The following GOLGA8B variants were observed in gnomAD, a reference collection of about 807,000 sequenced individuals.
GOLGA8B encodes the protein golgin subfamily A member 8B.
A neutral mutation model predicts 15.6 loss-of-function variants in GOLGA8B; 1 was observed. That is an observed-to-expected ratio of 0.06 (90% CI 0.02 to 0.30). GOLGA8B has a LOEUF of 0.30. Ranked by LOEUF, GOLGA8B falls within the 10% of genes least tolerant of loss-of-function variation. The probability of loss-of-function intolerance (pLI) is 1.00; values close to 1 mark genes in which losing one functional copy is unlikely to be tolerated. For missense variants in GOLGA8B, 17 were observed against 201.3 expected, an observed-to-expected ratio of 0.08 and a Z score of 5.54; for synonymous variants, 9 against 80.3, an observed-to-expected ratio of 0.11 and a Z score of 4.75.
Position 34,566,740 on chromosome 15 carries a change from G to A in GOLGA8B, c.-1122-12784C>T, listed in dbSNP as rs1473524926. Among the ~76,000 whole-genome samples, 4 of 140,500 alleles carry A rather than the reference G, an allele frequency of 2.8e-5. 1 individual carries two copies. The highest frequency in any genetic ancestry group is 7.1e-5 in the Admixed American group (1 of 14,156). The allele number at this position is 140,500 out of a possible 152,430, so 92.2% of individuals were successfully genotyped here. A position where few individuals can be genotyped will look rare whatever the true frequency, so the allele number is the denominator to read the frequency against. On this transcript the variant is annotated intron_variant, in intron 1 of 23. Coordinates refer to ENST00000683415, the MANE Select transcript of GOLGA8B (RefSeq NM_001023567.5). ...GTCACGGGCACAGGCCTGCACTCAC[G>A]GGTCACTGCAGTGAGGATGGAGGTG...
intron 1 of GOLGA8B, among the ~76,000 whole-genome samples, chr15:34,576,492 C>G (rs542839102): frequency 6.6e-6 from 1 of 152,350 alleles, no homozygotes; most frequent in East Asian, 1.9e-4. Context: ...CCAACAACCA[C>G]ACATCCCACC....
chr15:34,564,785 T>C lies in GOLGA8B; in HGVS notation c.-1122-10829A>G, dbSNP rs564348342. Reference sequence around the variant, plus strand: ...GCTTTGAGCTGGCAAGGCTAAATTATAGGAAGAAGGCAGAGAGGTGGGCAG... The same window carrying C: ...GCTTTGAGCTGGCAAGGCTAAATTACAGGAAGAAGGCAGAGAGGTGGGCAG... On this transcript the variant is annotated intron_variant, in intron 1 of 23. Transcript: ENST00000683415. Among the ~76,000 whole-genome samples, 16 of 143,968 alleles carry C rather than the reference T, an allele frequency of 1.1e-4. 2 individuals carry two copies. The South Asian group carries it at 3.2e-3, about 29-fold the overall frequency. The allele number at this position is 143,968 out of a possible 152,430, so 94.4% of individuals were successfully genotyped here. A position where few individuals can be genotyped will look rare whatever the true frequency, so the allele number is the denominator to read the frequency against.
intron 1 of GOLGA8B, among the ~76,000 whole-genome samples, chr15:34,573,825 A>T (rs928996719): frequency 5.7e-4 from 87 of 151,900 alleles, no homozygotes; most frequent in Admixed American, 1.5e-3. Context: ...GACAACCAAC[A>T]GCTGTGGGAC....
intron 1 of GOLGA8B, among the ~76,000 whole-genome samples, chr15:34,571,292 G>GA (rs1888907051): frequency 6.6e-6 from 1 of 151,824 alleles, no homozygotes; most frequent in South Asian, 2.1e-4. Flanking sequence ...CAGCCTGGGT[G>GA]ACAAAGTAAG....
chr15:34,575,713 A>G (rs1450197069), intron 1 of GOLGA8B, among the ~76,000 whole-genome samples: 3 of 152,162 alleles, frequency 2.0e-5, no homozygotes, highest in South Asian at 2.1e-4. Flanking sequence ...GATGGGGTCC[A>G]TGATCCACCC....
chr15:34,568,954 C>T (rs1265243688), intron 1 of GOLGA8B, among the ~76,000 whole-genome samples: 23 of 148,680 alleles, frequency 1.5e-4, no homozygotes, highest in South Asian at 8.4e-4. Context: ...CGCTCTCTCT[C>T]GCTCTCGCTC....
chr15:34,561,125 C>T (rs1295193172), intron 1 of GOLGA8B, among the ~76,000 whole-genome samples: 3,750 of 140,818 alleles, frequency 0.027, 24 homozygotes, highest in African/African-American at 0.099. Context: ...CTGGTTGACC[C>T]AGCCCCTTCC....
At chr15:34,583,440 G>A (rs1159165235) in intron 1 of GOLGA8B, 76 bp downstream of exon 1, 1 of 151,334 alleles carries the variant, frequency 6.6e-6, no homozygotes, top group Non-Finnish European at 1.5e-5. Flanking sequence ...CCCACGCGTC[G>A]GGGTCCCCGC....
At chr15:34,579,525 AG>A (rs1377154984) in intron 1 of GOLGA8B, among the ~76,000 whole-genome samples, 3 of 152,202 alleles carry the variant, frequency 2.0e-5, no homozygotes, top group African/African-American at 7.2e-5. Flanking sequence ...AAATCCAAAA[AG>A]GAATCTCAGT....
intron 1 of GOLGA8B, among the ~76,000 whole-genome samples, chr15:34,567,788 A>G (rs555330056): frequency 1.2e-4 from 18 of 151,962 alleles, no homozygotes; most frequent in South Asian, 1.0e-3. Flanking sequence ...GCAACACACA[A>G]TGATACAAGT....
intron 1 of GOLGA8B, among the ~76,000 whole-genome samples, chr15:34,563,534 A>C (rs1888678419): frequency 6.7e-6 from 1 of 148,884 alleles, no homozygotes; most frequent in African/African-American, 2.5e-5. Context: ...TTGGAGGTGA[A>C]TTCTCTTCTC....
rs1358042306 is a variant in GOLGA8B at position 34,525,756 on chromosome 15, A to G, written c.*1876T>C. 2.0e-5 allele frequency: 3 copies of G among 149,526 alleles called. No homozygotes were observed. The highest frequency in any genetic ancestry group is 4.3e-4 in the South Asian group (2 of 4,680). The allele number at this position is 149,526 out of a possible 1,614,324, so 9.3% of individuals were successfully genotyped here. On this transcript the variant is annotated 3_prime_UTR_variant, in exon 24 of 24. Transcript: ENST00000683415. ...AGTCAGTTGAAGTCACAAGGACCCA[A>G]TATCTGCCCTCTTTCAGTGAATGCC... is the stretch of plus-strand genomic sequence containing the variant.
intron 1 of GOLGA8B, among the ~76,000 whole-genome samples, chr15:34,575,622 G>A (rs1402690916): frequency 1.3e-5 from 2 of 152,024 alleles, no homozygotes; most frequent in African/African-American, 2.4e-5. Context: ...TGCCCAGGGT[G>A]CCACACTCCA....
chr15:34,574,642 C>A lies in GOLGA8B; in HGVS notation c.-1123+8874G>T, dbSNP rs1310520431. ...TCTAAGGAGCCTAACAAGTAGCAGG[C>A]CTTTCCAGCTACAGCACATGGAAGT... On this transcript the variant is annotated intron_variant, in intron 1 of 23. Coordinates refer to ENST00000683415, the MANE Select transcript of GOLGA8B (RefSeq NM_001023567.5). Among the ~76,000 whole-genome samples, 5 of 152,228 alleles carry A rather than the reference C, an allele frequency of 3.3e-5. No individual in the cohort carries two copies. In the South Asian group the frequency reaches 8.3e-4, roughly 25 times the overall value.
intron 1 of GOLGA8B, among the ~76,000 whole-genome samples, chr15:34,581,916 A>ATGC (rs1889247411): frequency 1.3e-5 from 2 of 152,106 alleles, no homozygotes; most frequent in African/African-American, 4.8e-5. Context: ...GGGCCCCCCA[A>ATGC]CAGTACTGCT....
At chr15:34,556,587 A>T (rs1888491099) in intron 1 of GOLGA8B, 1 of 1,473,388 alleles carries the variant, frequency 6.8e-7, no homozygotes, top group Non-Finnish European at 9.5e-7. Flanking sequence ...GAGTATGACC[A>T]GCATCACCAG....
chr15:34,578,947 G>T (rs556123016), intron 1 of GOLGA8B, among the ~76,000 whole-genome samples: 3 of 152,222 alleles, frequency 2.0e-5, no homozygotes, highest in Admixed American at 6.5e-5. Context: ...GGCCGTAGCT[G>T]TAACTCACAA....
At chr15:34,566,147 A>C (rs888846868) in intron 1 of GOLGA8B, 2 of 139,052 alleles carry the variant, frequency 1.4e-5, no homozygotes, top group African/African-American at 5.1e-5. Context: ...CGTCAAATTC[A>C]GAGACAGAAA....
At chr15:34,573,354 C>T (rs939171902) in intron 1 of GOLGA8B, among the ~76,000 whole-genome samples, 11 of 151,926 alleles carry the variant, frequency 7.2e-5, no homozygotes, top group African/African-American at 2.7e-4. Context: ...CTGGCTAACA[C>T]GGTGAAATCT....
Sources: gnomAD v4.1 joint callset for allele counts (sites outside exome capture counted in the v4.1 genomes callset) on GRCh38, gnomAD v4.1.1 for gene constraint, MANE v1.5 for transcripts, NCBI Gene and HGNC (gene_info 2026-07-23, HGNC 2026-07-21) for gene names.